Variants in TMEM245 observed in about 807,000 individuals in gnomAD.
TMEM245 encodes the protein transmembrane protein 245.
A neutral mutation model predicts 101.2 loss-of-function variants in TMEM245; 69 were observed. The ratio of observed to expected loss-of-function variants is 0.68; its 90% CI spans 0.56 to 0.83. TMEM245 has a LOEUF of 0.83. Ranked by LOEUF, TMEM245 falls within the 40% of genes least tolerant of loss-of-function variation. TMEM245 has a pLI of 0.00. For missense variants in TMEM245, 1,075 were observed against 1,092.8 expected (o/e 0.98, Z 0.23); for synonymous variants, 537 against 449.8 (o/e 1.19, Z -2.45).
chr9:109,044,232 GTAAGAA>G (rs1828404399), intron 14 of TMEM245, among the ~76,000 whole-genome samples: 1 of 152,122 alleles, frequency 6.6e-6, no homozygotes, highest in African/African-American at 2.4e-5. Flanking sequence ...TCTAAACTGA[GTAAGAA>G]AAAAATAACA....
intron 14 of TMEM245, among the ~76,000 whole-genome samples, chr9:109,041,919 C>A (rs1190017086): frequency 1.3e-5 from 2 of 151,976 alleles, no homozygotes; most frequent in African/African-American, 4.8e-5. Flanking sequence ...TCGCTACAGC[C>A]CAGGAGTTCA....
At chr9:109,021,558 A>C (rs1348064134) in intron 17 of TMEM245, among the ~76,000 whole-genome samples, 2 of 152,216 alleles carry the variant, frequency 1.3e-5, no homozygotes, top group African/African-American at 4.8e-5. Flanking sequence ...TCTGTTGCCC[A>C]GGCTGGAGTA....
At chr9:109,057,375 GA>G in intron 11 of TMEM245, 53 bp from the exon 12 acceptor site, 2 of 1,586,138 alleles carry the variant, frequency 1.3e-6, no homozygotes, top group Non-Finnish European at 1.7e-6. Context: ...CTAAAGAACA[GA>G]AAGTATAAAT....
At chr9:109,080,037 G>A (rs1829623077) in intron 8 of TMEM245, among the ~76,000 whole-genome samples, 1 of 151,994 alleles carries the variant, frequency 6.6e-6, no homozygotes, top group Admixed American at 6.6e-5. Flanking sequence ...AAGCAGAGAT[G>A]CCACTGAAGA....
intron 17 of TMEM245, among the ~76,000 whole-genome samples, chr9:109,023,753 G>A (rs1827710616): frequency 2.0e-5 from 3 of 151,472 alleles, no homozygotes; most frequent in Non-Finnish European, 4.4e-5. Context: ...GGAGAATGGC[G>A]TGAACCTGGG....
At chr9:109,094,404 G>A (rs1263354456) in intron 3 of TMEM245, among the ~76,000 whole-genome samples, 3 of 152,232 alleles carry the variant, frequency 2.0e-5, no homozygotes, top group African/African-American at 4.8e-5. Flanking sequence ...TACCAAGCAG[G>A]TACACCTGTG....
In TMEM245 at chr9:109,119,399, T is replaced by C. The variant is rs1435374356; in HGVS notation, c.515A>G (p.Gln172Arg). The C allele has an allele frequency of 2.0e-6, 3 of 1,528,190 alleles. No individual in the cohort carries two copies. The highest frequency in any genetic ancestry group is 2.4e-5 in the South Asian group (2 of 83,542). 94.7% of individuals were successfully genotyped at this position (1,528,190 alleles called of 1,614,324 possible). Reference protein sequence around the residue: ...LYCLGSYLGVQVLLVHAATLI... With the variant: ...LYCLGSYLGVRVLLVHAATLI... Reference sequence around the variant, plus strand: ...CGTGGCAGCGTGCACCAGCAGCACCTGCACGCCCAAGTAGCTGCCGAGGCA... The same window carrying C: ...CGTGGCAGCGTGCACCAGCAGCACCCGCACGCCCAAGTAGCTGCCGAGGCA... The change falls in exon 1 of 18, where the codon CAG becomes CGG. Residue 172 changes from glutamine to arginine, a missense_variant. By Grantham distance (43) the Gln-to-Arg change is conservative. This residue lies in a region of TMEM245 where 808 missense variants were observed against 741.5 expected (regional missense o/e 1.09). Transcript: ENST00000374586.
chr9:109,086,120 G>A (rs146023653), intron 6 of TMEM245, 100 bp from the exon 7 acceptor site: 18,482 of 1,308,714 alleles, frequency 0.014, 196 homozygotes, highest in South Asian at 0.032. Flanking sequence ...AGCATGAGAA[G>A]GAAACCATCC....
rs1395227439 is a variant in TMEM245, at chr9:109,119,316, C to T, written c.579+19G>A. 6.6e-7 allele frequency: 1 copy of T among 1,518,246 alleles called. No individual in the cohort carries two copies. Among genetic ancestry groups the T allele is most frequent in the Non-Finnish European group, 8.8e-7 (1 of 1,138,038 alleles). The allele number at this position is 1,518,246 out of a possible 1,614,324, so 94.0% of individuals were successfully genotyped here. On this transcript the variant is annotated intron_variant, in intron 1 of 17. Transcript: ENST00000374586. ...CGGGACCACGGGCGGGGGACGGGGG[C>T]GGACTGCCGCTCACTCACCCACAGG...
At chr9:109,084,348 C>G (rs1829771010) in intron 7 of TMEM245, among the ~76,000 whole-genome samples, 1 of 152,148 alleles carries the variant, frequency 6.6e-6, no homozygotes. Flanking sequence ...TCTATCTTTA[C>G]ACCAATGCTT....
Position 109,041,689 on chromosome 9 carries a change from T to C in TMEM245, c.2124-3572A>G, listed in dbSNP as rs111529010. 1.0e-3 allele frequency among the ~76,000 whole-genome samples: 156 copies of C among 151,986 alleles called. 2 individuals are homozygous for C. Among genetic ancestry groups the C allele is most frequent in the African/African-American group, 3.5e-3 (145 of 41,374 alleles). On this transcript the variant is annotated intron_variant, in intron 14 of 17. Coordinates refer to ENST00000374586, the MANE Select transcript of TMEM245 (RefSeq NM_032012.4). The stretch of plus-strand genomic sequence containing the variant: ...GGTGACTACAGTTAATAATAATGCA[T>C]TGTATACTTGAAAACTGCTAAGAGT...
At chr9:109,096,808 G>A (rs1323857670) in intron 3 of TMEM245, among the ~76,000 whole-genome samples, 1 of 152,184 alleles carries the variant, frequency 6.6e-6, no homozygotes, top group Non-Finnish European at 1.5e-5. Context: ...TACTCATCTT[G>A]AGACACTGTA....
chr9:109,091,740 A>G (rs1830012620), intron 4 of TMEM245, among the ~76,000 whole-genome samples: 1 of 152,222 alleles, frequency 6.6e-6, no homozygotes, highest in Admixed American at 6.5e-5. Context: ...ATTATTTCAC[A>G]TAAGACACTG....
At chr9:109,113,905 C>A (rs1830637617) in intron 1 of TMEM245, among the ~76,000 whole-genome samples, 2 of 152,152 alleles carry the variant, frequency 1.3e-5, no homozygotes, top group African/African-American at 4.8e-5. Context: ...GTCTGGCCAA[C>A]ATGGTGGAAC....
At chr9:109,029,907 C>G (rs1638959878) in intron 17 of TMEM245, among the ~76,000 whole-genome samples, 1 of 151,946 alleles carries the variant, frequency 6.6e-6, no homozygotes. Context: ...GAAAGCAAAG[C>G]AAATAAAAAC....
chr9:109,022,631 G>GA (rs1827666471), intron 17 of TMEM245, among the ~76,000 whole-genome samples: 1 of 152,042 alleles, frequency 6.6e-6, no homozygotes, highest in African/African-American at 2.4e-5. Context: ...TGTCTGGGGA[G>GA]AAAAAAATCA....
intron 9 of TMEM245, 23 bp downstream of exon 9, chr9:109,073,333 C>G (rs1829390216): frequency 8.2e-6 from 13 of 1,583,230 alleles, no homozygotes; most frequent in Non-Finnish European, 1.1e-5. Context: ...CATCTCTCTT[C>G]TTTTTCAAAA....
intron 17 of TMEM245, among the ~76,000 whole-genome samples, chr9:109,029,033 T>C (rs901362225): frequency 6.6e-6 from 1 of 152,080 alleles, no homozygotes; most frequent in Non-Finnish European, 1.5e-5. Flanking sequence ...TATAAACCTG[T>C]ACGCTAAAAA....
chr9:109,040,057 A>G (rs1828257403), intron 14 of TMEM245, among the ~76,000 whole-genome samples: 1 of 152,248 alleles, frequency 6.6e-6, no homozygotes, highest in Non-Finnish European at 1.5e-5. Flanking sequence ...CACGTGGAGA[A>G]GACAGCAGTC....
Sources: allele counts gnomAD v4.1 joint callset (sites outside exome capture counted in the v4.1 genomes callset), GRCh38; gene constraint gnomAD v4.1.1; regional missense constraint gnomAD v4.1.1; transcripts MANE v1.5; gene names NCBI Gene and HGNC (gene_info 2026-07-23, HGNC 2026-07-21).